Variants in NPAS3 observed in about 807,000 individuals in gnomAD.
NPAS3 encodes neuronal PAS domain protein 3.
NPAS3 carries 14 observed loss-of-function variants against 73.1 expected under a neutral mutation model. The observed-to-expected ratio is 0.19, with a 90% CI of 0.13 to 0.30. NPAS3 has a LOEUF of 0.30. Among genes scored for constraint, NPAS3 ranks in the 10% least tolerant of loss-of-function variants. The pLI is 1.00. For missense variants in NPAS3, 1,096 were observed against 1,250.0 expected (o/e 0.88, Z 1.86); for synonymous variants, 620 against 541.5 (o/e 1.14, Z -2.01).
At chr14:33,165,199 G>T (rs1487637944) in intron 2 of NPAS3, among the ~76,000 whole-genome samples, 1 of 151,972 alleles carries the variant, frequency 6.6e-6, no homozygotes, top group Non-Finnish European at 1.5e-5. Flanking sequence ...TATTTTTGTT[G>T]GGTTGACTCC....
chr14:33,430,728 C>G (rs1274105904), intron 4 of NPAS3, among the ~76,000 whole-genome samples: 3 of 152,216 alleles, frequency 2.0e-5, no homozygotes, highest in Non-Finnish European at 4.4e-5. Flanking sequence ...ATTTCCACAT[C>G]TATCTTCTCC....
rs572406060 is a variant in NPAS3 at position 33,380,631 on chromosome 14, C to G, written c.468+13363C>G. On this transcript the variant is annotated intron_variant, in intron 4 of 11. Coordinates refer to ENST00000356141, the Ensembl canonical transcript of NPAS3. ...GTGTCTAAGAAAAGAAAATGTCATG[C>G]CATTTTGCTTTATGTTTATTGTGTA... Among the ~76,000 whole-genome samples the G allele has an allele frequency of 2.6e-5, 4 of 152,160 alleles. No individual in the cohort carries two copies. In the South Asian group the frequency reaches 8.3e-4, roughly 32 times the overall value.
intron 6 of NPAS3, among the ~76,000 whole-genome samples, chr14:33,679,749 G>A (rs533797219): frequency 1.3e-5 from 2 of 152,298 alleles, no homozygotes; most frequent in South Asian, 4.1e-4. Flanking sequence ...CTAAGAGGCA[G>A]TGATACTATG....
chr14:33,017,317 C>CT (rs1472922266), intron 1 of NPAS3, among the ~76,000 whole-genome samples: 4 of 152,044 alleles, frequency 2.6e-5, no homozygotes, highest in Admixed American at 1.3e-4. Context: ...ACCTCATTTC[C>CT]TTTTTTAAAA....
chr14:33,564,864 A>T (rs910988135), intron 5 of NPAS3, among the ~76,000 whole-genome samples: 1 of 152,170 alleles, frequency 6.6e-6, no homozygotes, highest in African/African-American at 2.4e-5. Context: ...AAATTTACAC[A>T]TTTGTATGGG....
At chr14:33,588,926 A>G (rs1002673191) in intron 5 of NPAS3, among the ~76,000 whole-genome samples, 1 of 152,096 alleles carries the variant, frequency 6.6e-6, no homozygotes, top group Non-Finnish European at 1.5e-5. Flanking sequence ...TGGCCCATAG[A>G]TTTTTTATGA....
chr14:33,036,597 A>G lies in NPAS3; in HGVS notation c.51-19308A>G, dbSNP rs187021677. Reference sequence around the variant, plus strand: ...GTGGGAAGTAATACCTGAAACAGAGATTTTCTTAAAGGTAATTTGAAGATT... The same window carrying G: ...GTGGGAAGTAATACCTGAAACAGAGGTTTTCTTAAAGGTAATTTGAAGATT... On this transcript the variant is annotated intron_variant, in intron 1 of 11. Transcript: ENST00000356141. Among the ~76,000 whole-genome samples, 282 of 152,260 alleles carry G rather than the reference A, an allele frequency of 1.9e-3. 1 individual carries two copies. The highest frequency in any genetic ancestry group is 6.3e-3 in the African/African-American group (263 of 41,562).
chr14:33,434,209 TAAAC>T lies in NPAS3; in HGVS notation c.468+66951_468+66954del, dbSNP rs1468785898. ...CTCCGTCTCTAAATAAATAAATAAATAAACAAACAAACACAGTAATCAAATTTCT... is the reference window on the plus strand; with the variant it reads ...CTCCGTCTCTAAATAAATAAATAAATAAACAAACACAGTAATCAAATTTCT... On this transcript the variant is annotated intron_variant, in intron 4 of 11. Coordinates refer to ENST00000356141, the Ensembl canonical transcript of NPAS3. 2.0e-4 allele frequency among the ~76,000 whole-genome samples: 30 copies of T among 150,154 alleles called. 1 individual carries two copies. The South Asian group carries it at 5.1e-3, about 26-fold the overall frequency.
chr14:32,999,321 C>A (rs1315725182), intron 1 of NPAS3, among the ~76,000 whole-genome samples: 2 of 152,050 alleles, frequency 1.3e-5, no homozygotes, highest in African/African-American at 4.8e-5. Context: ...ACCATCCTGG[C>A]TAACACGGTG....
At chr14:33,156,165 T>C (rs1231711577) in intron 2 of NPAS3, among the ~76,000 whole-genome samples, 1 of 152,194 alleles carries the variant, frequency 6.6e-6, no homozygotes, top group African/African-American at 2.4e-5. Context: ...TTCATGGTAG[T>C]TATAGTAAGT....
intron 2 of NPAS3, among the ~76,000 whole-genome samples, chr14:33,078,130 C>G (rs1230948693): frequency 1.3e-5 from 2 of 151,422 alleles, no homozygotes; most frequent in Non-Finnish European, 2.9e-5. Flanking sequence ...CAGAGCAAGA[C>G]TGTTTCCAAA....
At chr14:33,523,164 A>T (rs1373687649) in intron 4 of NPAS3, among the ~76,000 whole-genome samples, 1 of 152,130 alleles carries the variant, frequency 6.6e-6, no homozygotes, top group Non-Finnish European at 1.5e-5. Flanking sequence ...AAACTAAAGT[A>T]CATTGGGATA....
At chr14:33,679,356 A>C (rs1202925754) in intron 6 of NPAS3, among the ~76,000 whole-genome samples, 1 of 152,206 alleles carries the variant, frequency 6.6e-6, no homozygotes, top group Non-Finnish European at 1.5e-5. Context: ...AAATATCTTC[A>C]CTAATGCAGA....
intron 6 of NPAS3, among the ~76,000 whole-genome samples, chr14:33,679,751 G>A (rs1018581983): frequency 3.3e-5 from 5 of 152,188 alleles, no homozygotes; most frequent in African/African-American, 4.8e-5. Flanking sequence ...AAGAGGCAGT[G>A]ATACTATGCC....
chr14:33,397,253 T>C (rs2047263831), intron 4 of NPAS3, among the ~76,000 whole-genome samples: 1 of 152,184 alleles, frequency 6.6e-6, no homozygotes, highest in South Asian at 2.1e-4. Flanking sequence ...TGCAGAAAGA[T>C]TGAGTTTCCA....
chr14:33,610,524 C>A (rs542442427), intron 5 of NPAS3, among the ~76,000 whole-genome samples: 4 of 152,090 alleles, frequency 2.6e-5, no homozygotes, highest in African/African-American at 9.7e-5. Flanking sequence ...AACAAAATCT[C>A]TTTATGATCT....
chr14:33,776,561 A>AG (rs2062826640), intron 8 of NPAS3, among the ~76,000 whole-genome samples: 1 of 101,356 alleles, frequency 9.9e-6, no homozygotes, highest in African/African-American at 3.7e-5. Context: ...AAAAAAAAAA[A>AG]GCTTTTCACA....
At chr14:32,940,976 A>T (rs994333475) in intron 1 of NPAS3, among the ~76,000 whole-genome samples, 1 of 152,204 alleles carries the variant, frequency 6.6e-6, no homozygotes, top group Admixed American at 6.5e-5. Flanking sequence ...AGCATTAACT[A>T]TTGCTCCCAA....
chr14:33,120,481 G>A (rs1349284048), intron 2 of NPAS3, among the ~76,000 whole-genome samples: 1 of 151,992 alleles, frequency 6.6e-6, no homozygotes, highest in African/African-American at 2.4e-5. Context: ...CTTCTTAAGT[G>A]GTATTAGACA....
Sources: gnomAD v4.1 joint callset for allele counts (sites outside exome capture counted in the v4.1 genomes callset) on GRCh38, gnomAD v4.1.1 for gene constraint, MANE v1.5 for transcripts, NCBI Gene and HGNC (gene_info 2026-07-23, HGNC 2026-07-21) for gene names.